HECTD4: variants seen among roughly 807,000 people sequenced by gnomAD.
HECTD4 encodes the protein HECT domain E3 ubiquitin protein ligase 4.
A neutral mutation model predicts 471.5 loss-of-function variants in HECTD4; 114 were observed. That is an observed-to-expected ratio of 0.24 (90% confidence interval 0.21 to 0.28). The LOEUF is 0.28. Among genes scored for constraint, HECTD4 ranks in the 10% least tolerant of loss-of-function variants. The pLI, the probability that HECTD4 is intolerant of heterozygous loss-of-function variation, is 1.00. For missense variants in HECTD4, 3,866 were observed against 5,651.5 expected (o/e 0.68, Z 10.13); for synonymous variants, 2,012 against 2,256.0 (o/e 0.89, Z 3.07).
intron 7 of HECTD4, among the ~76,000 whole-genome samples, chr12:112,284,686 G>A (rs566085226): frequency 3.3e-5 from 5 of 152,156 alleles, no homozygotes; most frequent in East Asian, 1.9e-4. Context: ...CTAATGAGTC[G>A]GCAATCTCAA....
At chr12:112,267,173 C>T (rs2034297662) in intron 13 of HECTD4, 191 bp from the exon 14 acceptor site, 1 of 566,882 alleles carries the variant, frequency 1.8e-6, no homozygotes, top group South Asian at 2.2e-5. Context: ...GCCCTTCCTC[C>T]CTCACCGCTC....
chr12:112,168,235 C>G (rs575901580), intron 70 of HECTD4, among the ~76,000 whole-genome samples: 81 of 152,328 alleles, frequency 5.3e-4, no homozygotes, highest in Non-Finnish European at 8.8e-4. Context: ...CAGGTCCCCA[C>G]ACAGGCAACC....
intron 14 of HECTD4, among the ~76,000 whole-genome samples, chr12:112,266,613 T>C (rs1269613835): frequency 6.6e-6 from 1 of 152,206 alleles, no homozygotes. Context: ...CCTGAGTAGC[T>C]TGGATGACAA....
chr12:112,353,551 C>T (rs543456537), intron 1 of HECTD4, among the ~76,000 whole-genome samples: 5 of 152,190 alleles, frequency 3.3e-5, no homozygotes, highest in East Asian at 1.9e-4. Context: ...AAACTACAGG[C>T]GGGGTGTGGT....
rs189786977 is a variant in HECTD4, at chr12:112,366,523, A to T, written c.177+15429T>A. On this transcript the variant is annotated intron_variant, in intron 1 of 75. Transcript: ENST00000682272. ...AACAAAGTGAGACCGTGTCTCTTAAAAAAGACATTGTTCTTTTTTGAAAAA... is the reference window on the plus strand; with the variant it reads ...AACAAAGTGAGACCGTGTCTCTTAATAAAGACATTGTTCTTTTTTGAAAAA... 1.9e-3 allele frequency among the ~76,000 whole-genome samples: 284 copies of T among 152,214 alleles called. 1 individual carries two copies. The highest frequency in any genetic ancestry group is 6.8e-3 in the Middle Eastern group (2 of 294).
intron 59 of HECTD4, among the ~76,000 whole-genome samples, chr12:112,191,796 A>G (rs930922764): frequency 2.6e-5 from 4 of 152,322 alleles, no homozygotes; most frequent in Admixed American, 2.0e-4. Context: ...CACTGAAGAA[A>G]TGTTCTTTCA....
chr12:112,224,856 C>G (rs2033191589), intron 44 of HECTD4, among the ~76,000 whole-genome samples: 1 of 152,100 alleles, frequency 6.6e-6, no homozygotes, highest in Admixed American at 6.6e-5. Context: ...AGAGGATACC[C>G]AGAAACAGTC....
At chr12:112,378,782 G>A (rs930343413) in intron 1 of HECTD4, among the ~76,000 whole-genome samples, 5 of 152,248 alleles carry the variant, frequency 3.3e-5, no homozygotes, top group East Asian at 1.9e-4. Flanking sequence ...TGTGGCTCAC[G>A]CCTGTAATCC....
chr12:112,215,536 G>T (rs1196046045), intron 48 of HECTD4, among the ~76,000 whole-genome samples: 1 of 152,152 alleles, frequency 6.6e-6, no homozygotes, highest in Non-Finnish European at 1.5e-5. Flanking sequence ...GGAGGAAAGG[G>T]TTCTTTATTG....
chr12:112,358,543 T>G (rs2036387827), intron 1 of HECTD4, among the ~76,000 whole-genome samples: 1 of 152,144 alleles, frequency 6.6e-6, no homozygotes, highest in South Asian at 2.1e-4. Flanking sequence ...AAGGTACAAA[T>G]AGCATATATA....
chr12:112,303,757 G>A (rs1489395105), intron 7 of HECTD4, among the ~76,000 whole-genome samples: 1 of 151,752 alleles, frequency 6.6e-6, no homozygotes, highest in African/African-American at 2.4e-5. Flanking sequence ...GGCTGAGGTG[G>A]GAGGATCACC....
intron 1 of HECTD4, among the ~76,000 whole-genome samples, chr12:112,375,732 C>T (rs2036763554): frequency 6.6e-6 from 1 of 151,910 alleles, no homozygotes; most frequent in African/African-American, 2.4e-5. Flanking sequence ...TGAGTTATTG[C>T]TTTTTTATTT....
chr12:112,265,741 C>T, intron 15 of HECTD4, 137 bp downstream of exon 15: 1 of 632,950 alleles, frequency 1.6e-6, no homozygotes. Flanking sequence ...TATCTTTCAA[C>T]TGGTCCATGC....
rs1271924341 is a variant in HECTD4, at chr12:112,179,061, G to A, written c.11233C>T (p.Pro3745Ser). Residue 3745 changes from proline to serine, a missense_variant, in exon 64 of 76, where the codon CCA becomes TCA. By Grantham distance (74) the Pro-to-Ser change is moderately conservative. Around this residue, in one of 16 missense-constraint regions of HECTD4, gnomAD observed 715 missense variants for 1,087.6 expected, o/e 0.66. Transcript: ENST00000682272. This position sits in a 1 kb window ranked among gnomAD's most constrained non-coding sequence, Gnocchi z 4.3. ...LTQILRKYGV[P>S]KPKFDKSKYS... is the part of the protein sequence containing the mutation. ...TTGCTCTTGTCAAACTTGGGCTTTG[G>A]CACGCCATACTTCCTCAGGATCTGT... 5 of 1,613,960 alleles carry A rather than the reference G, an allele frequency of 3.1e-6. No individual in the cohort carries two copies. The Admixed American group carries it at 8.3e-5, about 27-fold the overall frequency.
At position 112,163,776 on chromosome 12, in the gene HECTD4, C is replaced by T. The variant is rs961133528; in HGVS notation, c.12702-39G>A. The T allele has an allele frequency of 1.5e-5, 21 of 1,413,658 alleles. No homozygotes were observed. Among genetic ancestry groups the T allele is most frequent in the Admixed American group, 3.0e-5 (1 of 33,344 alleles). The allele number at this position is 1,413,658 out of a possible 1,614,324, so 87.6% of individuals were successfully genotyped here. ...GAGCACAGGTGAGGGAGAACACCGCCGAAGAGGCTGGGTCTGGGGGCCACA... is the reference window on the plus strand; with the variant it reads ...GAGCACAGGTGAGGGAGAACACCGCTGAAGAGGCTGGGTCTGGGGGCCACA... On this transcript the variant is annotated intron_variant, in intron 73 of 75. Coordinates refer to ENST00000682272, the MANE Select transcript of HECTD4 (RefSeq NM_001388303.1). This position sits in a 1 kb window ranked among gnomAD's most constrained non-coding sequence, Gnocchi z 8.2.
At chr12:112,283,952 CTTCTT>C (rs1316346636) in intron 7 of HECTD4, among the ~76,000 whole-genome samples, 2 of 147,930 alleles carry the variant, frequency 1.4e-5, no homozygotes, top group South Asian at 2.1e-4. Flanking sequence ...TTTCTTCTTT[CTTCTT>C]TTTTTTTTTT....
chr12:112,199,276 TAAGTA>T (rs1188525652), intron 55 of HECTD4, among the ~76,000 whole-genome samples: 1 of 152,230 alleles, frequency 6.6e-6, no homozygotes, highest in Non-Finnish European at 1.5e-5. Context: ...TGTATCTCGC[TAAGTA>T]AAGCTAAGAA....
intron 17 of HECTD4, chr12:112,262,145 C>A (rs894119910): frequency 6.6e-6 from 1 of 151,980 alleles, no homozygotes; most frequent in African/African-American, 2.4e-5. Flanking sequence ...ACATGTTTCC[C>A]CAGAAACCTA....
At position 112,172,661 on chromosome 12, in the gene HECTD4, G is replaced by T. The variant is rs543207726; in HGVS notation, c.11785+10C>A. 2.5e-6 allele frequency: 4 copies of T among 1,613,220 alleles called. 1 individual carries two copies. Among genetic ancestry groups the T allele is most frequent in the Non-Finnish European group, 2.5e-6 (3 of 1,179,540 alleles). ...GCAGCAGGGGAGGGGATAGGCCCAG[G>T]GCCACATACTCAGGAGACAGGCCAC... On this transcript the variant is annotated intron_variant, in intron 67 of 75. Transcript: ENST00000682272.
Sources: allele counts gnomAD v4.1 joint callset (sites outside exome capture counted in the v4.1 genomes callset), GRCh38; gene constraint gnomAD v4.1.1; regional missense constraint gnomAD v4.1.1; non-coding constraint Gnocchi (gnomAD v3.1); transcripts MANE v1.5; gene names NCBI Gene and HGNC (gene_info 2026-07-23, HGNC 2026-07-21).